Variants in ANKRD11 observed in about 807,000 individuals in gnomAD.
ANKRD11 encodes ankyrin repeat domain-containing protein 11.
In ANKRD11, 17 loss-of-function variants were observed where a neutral mutation model predicts 195.7. The observed-to-expected ratio is 0.09, with a 90% confidence interval of 0.06 to 0.13. The LOEUF (loss-of-function observed/expected upper bound fraction) is 0.13. Ranked by LOEUF, ANKRD11 falls within the 10% of genes least tolerant of loss-of-function variation. The probability of loss-of-function intolerance (pLI) is 1.00; values close to 1 mark genes in which losing one functional copy is unlikely to be tolerated. For missense variants in ANKRD11, 3,735 were observed against 3,566.1 expected (o/e 1.05, Z -1.21); for synonymous variants, 1,953 against 1,528.1 (o/e 1.28, Z -6.49).
chr16:89,431,027 C>T (rs981393742), intron 1 of ANKRD11, among the ~76,000 whole-genome samples: 3 of 152,112 alleles, frequency 2.0e-5, no homozygotes, highest in South Asian at 4.1e-4. Context: ...AAGACCAAGG[C>T]GCTGCTGACT....
chr16:89,388,410 G>A (rs1324256511), intron 2 of ANKRD11, among the ~76,000 whole-genome samples: 7 of 149,716 alleles, frequency 4.7e-5, no homozygotes, highest in Non-Finnish European at 7.4e-5. Context: ...GATTATAAGC[G>A]TGAGCCACCA....
Position 89,284,586 on chromosome 16 carries a change from C to T in ANKRD11, c.1956G>A (p.Leu652=), listed in dbSNP as rs767832615. 3 of 1,614,044 alleles carry T rather than the reference C, an allele frequency of 1.9e-6. No homozygotes were observed. The highest frequency in any genetic ancestry group is 1.3e-5 in the African/African-American group (1 of 74,906). ...EKGQCSISQE[L]KLKSFTYEYE... ...ATTCGTAAGTAAAACTTTTCAACTTCAGCTCTTGGCTGATGGAACACTGTC... is the reference window on the plus strand; with the variant it reads ...ATTCGTAAGTAAAACTTTTCAACTTTAGCTCTTGGCTGATGGAACACTGTC... The change falls in exon 9 of 13, where the codon CTG becomes CTA. Residue 652 remains leucine (L), a synonymous_variant. Transcript: ENST00000301030.
intron 1 of ANKRD11, among the ~76,000 whole-genome samples, chr16:89,465,911 C>T (rs899058994): frequency 4.6e-5 from 7 of 152,096 alleles, no homozygotes; most frequent in Admixed American, 2.0e-4. Flanking sequence ...GGGGTTTCAC[C>T]GTGTTAGCCA....
intron 2 of ANKRD11, among the ~76,000 whole-genome samples, chr16:89,348,981 A>G (rs938230011): frequency 5.3e-5 from 8 of 151,294 alleles, no homozygotes; most frequent in African/African-American, 1.9e-4. Flanking sequence ...TACAAAAACT[A>G]GCCAGGAGTA....
chr16:89,404,026 T>G (rs1421043967), intron 2 of ANKRD11, among the ~76,000 whole-genome samples: 1 of 152,348 alleles, frequency 6.6e-6, no homozygotes, highest in South Asian at 2.1e-4. Context: ...CTCAGAACTA[T>G]GGCAAACTTA....
At chr16:89,327,099 G>GAATGCAGAGGTTGGA (rs1567652940) in intron 2 of ANKRD11, among the ~76,000 whole-genome samples, 2 of 44,776 alleles carry the variant, frequency 4.5e-5, no homozygotes, top group Admixed American at 2.2e-4. Context: ...CAGAGGTGGG[G>GAATGCAGAGGTTGGA]AATGCAGAGG....
intron 12 of ANKRD11, 37 bp from the exon 13 acceptor site, chr16:89,268,700 G>A (rs757939041): frequency 1.3e-6 from 2 of 1,558,638 alleles, no homozygotes; most frequent in African/African-American, 2.7e-5. Context: ...GGGAGGAGGA[G>A]TGAAGGGAGA....
intron 3 of ANKRD11, among the ~76,000 whole-genome samples, chr16:89,306,998 C>T (rs1321445104): frequency 6.7e-6 from 1 of 149,122 alleles, no homozygotes; most frequent in Non-Finnish European, 1.5e-5. Flanking sequence ...ACACACACAG[C>T]GCTCGGGACG....
At chr16:89,463,752 T>C (rs534088197) in intron 1 of ANKRD11, among the ~76,000 whole-genome samples, 5 of 151,854 alleles carry the variant, frequency 3.3e-5, no homozygotes, top group East Asian at 1.9e-4. Flanking sequence ...CCACAGCAAA[T>C]TGTCTAGTTC....
At position 89,305,333 on chromosome 16, in the gene ANKRD11, T is replaced by A; in HGVS notation, c.99A>T (p.Lys33Asn). Residue 33 changes from lysine to asparagine, a missense_variant, in exon 4 of 13, where the codon AAA becomes AAT. Coordinates refer to ENST00000301030, the MANE Select transcript of ANKRD11 (RefSeq NM_013275.6). ...EKQTGKKDKD[K>N]VSLTKTPKLE... ...GTTTTGGGGTCTTGGTTAGAGAAAC[T>A]TTATCTTTATCCTAGAAAAGAAAGG... The A allele has an allele frequency of 6.2e-7, 1 of 1,613,974 alleles. No individual in the cohort carries two copies. The highest frequency in any genetic ancestry group is 1.1e-5 in the South Asian group (1 of 91,088).
intron 1 of ANKRD11, among the ~76,000 whole-genome samples, chr16:89,476,180 G>A (rs1274647418): frequency 1.3e-5 from 2 of 151,548 alleles, no homozygotes; most frequent in East Asian, 1.9e-4. Context: ...AAACTACAAA[G>A]CCAATTTCAG....
intron 2 of ANKRD11, among the ~76,000 whole-genome samples, chr16:89,330,553 G>C (rs558311531): frequency 6.6e-6 from 1 of 151,680 alleles, no homozygotes. Flanking sequence ...CATTGATGGG[G>C]TGGTGTGGGG....
chr16:89,387,621 C>A (rs1456671833), intron 2 of ANKRD11, among the ~76,000 whole-genome samples: 1 of 146,122 alleles, frequency 6.8e-6, no homozygotes, highest in African/African-American at 2.6e-5. Context: ...TGCAGTGAGC[C>A]GAGACTGCAC....
At chr16:89,287,432 G>C (rs1032305874) in intron 7 of ANKRD11, 2 of 229,566 alleles carry the variant, frequency 8.7e-6, no homozygotes, top group South Asian at 1.1e-4. Context: ...TAATTCCAGG[G>C]TCCTTGACAT....
At chr16:89,351,323 G>C (rs1455162469) in intron 2 of ANKRD11, among the ~76,000 whole-genome samples, 1 of 152,170 alleles carries the variant, frequency 6.6e-6, no homozygotes, top group Non-Finnish European at 1.5e-5. Flanking sequence ...GAAGGGGATG[G>C]CATCCATGGC....
At chr16:89,422,325 TAAAAGAATTTTTTTAC>T (rs1330375778) in intron 1 of ANKRD11, 2 of 151,906 alleles carry the variant, frequency 1.3e-5, no homozygotes, top group African/African-American at 4.8e-5. Flanking sequence ...TCCAAACCAT[TAAAAGAATTTTTTTAC>T]AGAATTTTTC....
chr16:89,278,050 A>G (rs577790411), intron 9 of ANKRD11: 3 of 172,402 alleles, frequency 1.7e-5, no homozygotes, highest in South Asian at 1.2e-4. Context: ...TGTTCTGGGC[A>G]TAACACAACA....
At chr16:89,434,466 C>T (rs2043127049) in intron 1 of ANKRD11, among the ~76,000 whole-genome samples, 1 of 152,206 alleles carries the variant, frequency 6.6e-6, no homozygotes, top group African/African-American at 2.4e-5. Context: ...CCAGCGAAGT[C>T]GCTGCAGCCA....
At chr16:89,467,577 G>A (rs2056928502) in intron 1 of ANKRD11, among the ~76,000 whole-genome samples, 1 of 152,016 alleles carries the variant, frequency 6.6e-6, no homozygotes, top group African/African-American at 2.4e-5. Flanking sequence ...TGCTGCCCAG[G>A]CTGGTCTTGA....
Sources: gnomAD v4.1 joint callset for allele counts (sites outside exome capture counted in the v4.1 genomes callset) on GRCh38, gnomAD v4.1.1 for gene constraint, MANE v1.5 for transcripts, NCBI Gene and HGNC (gene_info 2026-07-23, HGNC 2026-07-21) for gene names.